GLIS3: variants seen among roughly 807,000 people sequenced by gnomAD.
GLIS3 encodes zinc finger protein GLIS3.
Under a neutral mutation model 78.6 loss-of-function variants are expected in GLIS3, and 53 were observed. The ratio of observed to expected loss-of-function variants is 0.67; its 90% CI spans 0.54 to 0.85. The LOEUF (loss-of-function observed/expected upper bound fraction) is 0.85, where lower values mean the gene tolerates loss of function less well. Among genes scored for constraint, GLIS3 ranks in the 40% least tolerant of loss-of-function variants. The pLI is 0.00. For missense variants in GLIS3, 1,703 were observed against 1,231.1 expected, an observed-to-expected ratio of 1.38 and a Z score of -5.74; for synonymous variants, 684 against 509.9, an observed-to-expected ratio of 1.34 and a Z score of -4.60.
chr9:4,110,713 G>A (rs377684887), intron 4 of GLIS3, among the ~76,000 whole-genome samples: 3 of 152,122 alleles, frequency 2.0e-5, no homozygotes, highest in East Asian at 3.8e-4. Flanking sequence ...CAGATCCACT[G>A]TCCAGGGTTA....
chr9:4,323,301 CTG>C (rs1817563741), intron 2 of GLIS3, among the ~76,000 whole-genome samples: 1 of 152,148 alleles, frequency 6.6e-6, no homozygotes, highest in African/African-American at 2.4e-5. Context: ...TCCCAAAGTG[CTG>C]TTTTATCACA....
At chr9:4,489,861 A>T in the GLIS3 span, among the ~76,000 whole-genome samples, 19 of 152,208 alleles carry the variant, frequency 1.2e-4, no homozygotes, top group Admixed American at 1.2e-3. Flanking sequence ...CCACAGACAA[A>T]TCACCTCCAG....
intron 4 of GLIS3, among the ~76,000 whole-genome samples, chr9:3,951,882 A>ACACG (rs1554654468): frequency 0.02 from 3,009 of 147,266 alleles, 53 homozygotes; most frequent in Middle Eastern, 0.038. Flanking sequence ...ACACACACAC[A>ACACG]CACGCACGCA....
intron 9 of GLIS3, 38 bp from the exon 10 acceptor site, chr9:3,829,530 G>T: frequency 1.2e-6 from 2 of 1,610,384 alleles, no homozygotes; most frequent in South Asian, 2.2e-5. Flanking sequence ...AAGTTCCTTT[G>T]GGCACAAGTT....
chr9:3,905,287 G>T (rs1254334915), intron 6 of GLIS3, among the ~76,000 whole-genome samples: 1 of 151,694 alleles, frequency 6.6e-6, no homozygotes, highest in East Asian at 1.9e-4. Context: ...ACTGAGCCCC[G>T]CCTGACTCTT....
At chr9:3,965,254 C>A (rs1159600765) in intron 4 of GLIS3, among the ~76,000 whole-genome samples, 2 of 128,266 alleles carry the variant, frequency 1.6e-5, no homozygotes, top group African/African-American at 6.1e-5. Context: ...AGTGCAGTGG[C>A]GTGATCTCGG....
chr9:4,372,702 C>G, the GLIS3 span, among the ~76,000 whole-genome samples: 1 of 152,156 alleles, frequency 6.6e-6, no homozygotes, highest in Non-Finnish European at 1.5e-5. Flanking sequence ...AGACCCAGAT[C>G]TGCTTAAATA....
the GLIS3 span, among the ~76,000 whole-genome samples, chr9:4,414,487 G>A: frequency 6.6e-6 from 1 of 152,004 alleles, no homozygotes; most frequent in South Asian, 2.1e-4. Flanking sequence ...ATATTGGGGT[G>A]GTCAAACAAT....
chr9:4,454,144 T>A, the GLIS3 span, among the ~76,000 whole-genome samples: 6 of 110,724 alleles, frequency 5.4e-5, no homozygotes, highest in Non-Finnish European at 9.4e-5. Flanking sequence ...CAAATGTATA[T>A]GATGATAAAA....
At chr9:4,049,572 A>T (rs1279855830) in intron 4 of GLIS3, among the ~76,000 whole-genome samples, 1 of 152,124 alleles carries the variant, frequency 6.6e-6, no homozygotes, top group Non-Finnish European at 1.5e-5. Context: ...TCATACATAT[A>T]TCCCCACCTC....
the GLIS3 span, among the ~76,000 whole-genome samples, chr9:4,362,872 G>A: frequency 1.3e-5 from 2 of 152,112 alleles, no homozygotes; most frequent in South Asian, 4.1e-4. Flanking sequence ...TAATTTCAAG[G>A]AGCCTGGATC....
chr9:4,321,439 A>C (rs1359716248), intron 2 of GLIS3, among the ~76,000 whole-genome samples: 2 of 102,846 alleles, frequency 1.9e-5, no homozygotes, highest in Non-Finnish European at 3.4e-5. Flanking sequence ...AAAAAAAAAA[A>C]AAAAAAAAAA....
intron 4 of GLIS3, among the ~76,000 whole-genome samples, chr9:4,053,705 T>TTAAAAAA (rs1554682400): frequency 1.1e-5 from 1 of 91,128 alleles, no homozygotes; most frequent in Non-Finnish European, 2.3e-5. Flanking sequence ...TCTTTCTTCA[T>TTAAAAAA]AAAAAAAAAA....
In GLIS3 at chr9:4,054,467, A is replaced by C. The variant is rs1299544436; in HGVS notation, c.1710+63301T>G. 3.0e-6 allele frequency: 3 copies of C among 985,304 alleles called. No homozygotes were observed. In the African/African-American group the frequency reaches 5.2e-5, roughly 17 times the overall value. The allele number at this position is 985,304 out of a possible 1,614,324, so 61.0% of individuals were successfully genotyped here. On this transcript the variant is annotated intron_variant, in intron 4 of 10. Transcript: ENST00000381971. ...CACAGGAGGATGTGCTCTGGAGTGA[A>C]TTCTTCAGTCAGGGCCTACGGGTTC...
intron 4 of GLIS3, among the ~76,000 whole-genome samples, chr9:4,107,714 A>C (rs1830871073): frequency 6.6e-6 from 1 of 151,866 alleles, no homozygotes; most frequent in Non-Finnish European, 1.5e-5. Context: ...GCAATGGAAA[A>C]ATTAATTTGT....
intron 6 of GLIS3, among the ~76,000 whole-genome samples, chr9:3,924,174 T>C (rs1321247932): frequency 6.6e-6 from 1 of 152,236 alleles, no homozygotes. Flanking sequence ...AGTATCTGTA[T>C]GACCCAGAAA....
At chr9:4,359,328 T>C in the GLIS3 span, among the ~76,000 whole-genome samples, 1 of 152,200 alleles carries the variant, frequency 6.6e-6, no homozygotes, top group Non-Finnish European at 1.5e-5. Context: ...TTACTGCCTT[T>C]ACCTAGTGGA....
Position 3,913,613 on chromosome 9 carries a change from A to G in GLIS3, c.1984-14778T>C, listed in dbSNP as rs559318964. On this transcript the variant is annotated intron_variant, in intron 6 of 10. Transcript: ENST00000381971. The stretch of plus-strand genomic sequence containing the variant: ...TCTACGTATCTACAATAAATTCTGC[A>G]TATTCTCCAAGGTCCAATTCAATGT... Among the ~76,000 whole-genome samples the G allele has an allele frequency of 4.6e-5, 7 of 152,302 alleles. No homozygotes were observed. The South Asian group carries it at 1.4e-3, about 32-fold the overall frequency.
chr9:4,076,149 T>G (rs2027390), intron 4 of GLIS3, among the ~76,000 whole-genome samples: 59,647 of 152,046 alleles, frequency 0.39, 12,157 homozygotes, highest in East Asian at 0.68. Flanking sequence ...CCCAACAAGT[T>G]GATTAAACAA....
Sources: allele counts gnomAD v4.1 joint callset (sites outside exome capture counted in the v4.1 genomes callset), GRCh38; gene constraint gnomAD v4.1.1; transcripts MANE v1.5; gene names NCBI Gene and HGNC (gene_info 2026-07-23, HGNC 2026-07-21).